The following TM7SF3 variants were observed in gnomAD, a reference collection of about 807,000 sequenced individuals.
TM7SF3 encodes the protein transmembrane 7 superfamily member 3.
A neutral mutation model predicts 65.5 loss-of-function variants in TM7SF3; 60 were observed. The observed-to-expected ratio is 0.92, with a 90% CI of 0.74 to 1.14. The LOEUF (loss-of-function observed/expected upper bound fraction) is 1.14, where lower values mean the gene tolerates loss of function less well. Among genes scored for constraint, TM7SF3 ranks in the 50% most tolerant of loss-of-function variants. The pLI is 0.00. For synonymous variants in TM7SF3, 264 were observed against 259.6 expected (o/e 1.02, Z -0.16); for missense variants, 623 against 684.8 (o/e 0.91, Z 1.01).
intron 4 of TM7SF3, 95 bp downstream of exon 4, chr12:26,996,647 C>A: frequency 7.6e-7 from 1 of 1,313,252 alleles, no homozygotes; most frequent in Non-Finnish European, 1.0e-6. Context: ...AATTTTACTA[C>A]AGAGAATTAG....
At chr12:27,010,912 GC>G (rs1941220414) in intron 1 of TM7SF3, among the ~76,000 whole-genome samples, 1 of 151,992 alleles carries the variant, frequency 6.6e-6, no homozygotes, top group African/African-American at 2.4e-5. Flanking sequence ...TCCTAATCTG[GC>G]AACCATAAAA....
chr12:26,995,442 C>G (rs1452076036), intron 4 of TM7SF3, 34 bp from the exon 5 acceptor site: 1 of 1,611,512 alleles, frequency 6.2e-7, no homozygotes, highest in East Asian at 2.2e-5. Context: ...ACATCAGTCT[C>G]TTGTGGTGCA....
intron 1 of TM7SF3, among the ~76,000 whole-genome samples, chr12:27,005,205 G>A (rs1281877117): frequency 6.6e-6 from 1 of 152,186 alleles, no homozygotes; most frequent in Non-Finnish European, 1.5e-5. Flanking sequence ...CGTATTGGCA[G>A]TATCAGTCTG....
At chr12:26,991,128 T>C (rs1940337397) in intron 5 of TM7SF3, among the ~76,000 whole-genome samples, 2 of 150,986 alleles carry the variant, frequency 1.3e-5, no homozygotes, top group South Asian at 4.2e-4. Flanking sequence ...GGTTTTGTTA[T>C]GTAGTAGTAG....
chr12:26,987,354 G>A (rs187737987), intron 6 of TM7SF3, among the ~76,000 whole-genome samples: 33 of 152,228 alleles, frequency 2.2e-4, no homozygotes, highest in African/African-American at 5.8e-4. Flanking sequence ...CCACCTCAGC[G>A]AATGGTCGCT....
In TM7SF3 at chr12:26,971,729, A is replaced by G. The variant is rs895056603; in HGVS notation, c.*2236T>C. The G allele has an allele frequency of 6.6e-6, 1 of 152,228 alleles. No individual in the cohort carries two copies. The highest frequency in any genetic ancestry group is 1.5e-5 in the Non-Finnish European group (1 of 68,042). 9.4% of individuals were successfully genotyped at this position (152,228 alleles called of 1,614,324 possible). ...CTGGCAGTGCATTCAGATAGTATAGAAAATAACAAACATTCCATATAACTT... is the reference window on the plus strand; with the variant it reads ...CTGGCAGTGCATTCAGATAGTATAGGAAATAACAAACATTCCATATAACTT... On this transcript the variant is annotated 3_prime_UTR_variant, in exon 12 of 12. Transcript: ENST00000343028.
chr12:26,976,493 A>AGAAAATTAGAATTCAT, intron 9 of TM7SF3, 136 bp from the exon 10 acceptor site: 1 of 634,292 alleles, frequency 1.6e-6, no homozygotes. Context: ...CTAGAAATGA[A>AGAAAATTAGAATTCAT]TTCTAATTTT....
At chr12:26,995,930 A>T (rs7304033) in intron 4 of TM7SF3, among the ~76,000 whole-genome samples, 11,154 of 152,190 alleles carry the variant, frequency 0.073, 522 homozygotes, top group Non-Finnish European at 0.1. Flanking sequence ...TAAGACAAAC[A>T]CCAACAGGCA....
intron 9 of TM7SF3, chr12:26,979,203 T>A (rs1216323323): frequency 6.6e-6 from 1 of 152,354 alleles, no homozygotes; most frequent in African/African-American, 2.4e-5. Context: ...TGAGTACAGA[T>A]GCTGTTTTTG....
intron 5 of TM7SF3, among the ~76,000 whole-genome samples, chr12:26,994,278 A>G (rs1334370671): frequency 6.6e-5 from 10 of 152,200 alleles, no homozygotes; most frequent in Non-Finnish European, 1.0e-4. Context: ...ATGACCTCAT[A>G]TATTATATTG....
chr12:26,985,805 C>CTTTTTT (rs1491557564), intron 6 of TM7SF3, among the ~76,000 whole-genome samples: 2 of 72,038 alleles, frequency 2.8e-5, no homozygotes, highest in Non-Finnish European at 5.7e-5. Flanking sequence ...ATTTCTTTTT[C>CTTTTTT]GTTTTTTTTT....
chr12:26,978,132 TGAG>T (rs1360077428), intron 9 of TM7SF3: 1 of 431,352 alleles, frequency 2.3e-6, no homozygotes, highest in African/African-American at 2.0e-5. Flanking sequence ...CCACTAGCAT[TGAG>T]GAGATGATCA....
intron 10 of TM7SF3, 113 bp from the exon 11 acceptor site, chr12:26,975,771 A>C (rs1287303817): frequency 8.6e-7 from 1 of 1,158,672 alleles, no homozygotes; most frequent in East Asian, 2.6e-5. Flanking sequence ...GGCATGAAAA[A>C]GGACCAGACC....
chr12:27,005,089 T>C (rs1434120508), intron 1 of TM7SF3, among the ~76,000 whole-genome samples: 2 of 152,232 alleles, frequency 1.3e-5, no homozygotes, highest in African/African-American at 2.4e-5. Context: ...AAATTATACA[T>C]AAAACTATAT....
intron 11 of TM7SF3, 116 bp from the exon 12 acceptor site, chr12:26,974,343 G>A: frequency 8.8e-7 from 1 of 1,140,354 alleles, no homozygotes; most frequent in Non-Finnish European, 1.2e-6. Context: ...TTTCTGGTGA[G>A]TTAGTCCAAA....
chr12:27,008,127 A>C (rs1948583511), intron 1 of TM7SF3, among the ~76,000 whole-genome samples: 1 of 152,174 alleles, frequency 6.6e-6, no homozygotes, highest in African/African-American at 2.4e-5. Flanking sequence ...AGATACTGCC[A>C]GTCTTCCAAC....
At chr12:27,004,203 T>C (rs985434710) in intron 1 of TM7SF3, among the ~76,000 whole-genome samples, 2 of 152,196 alleles carry the variant, frequency 1.3e-5, no homozygotes, top group Admixed American at 6.5e-5. Context: ...CACCAGCTCA[T>C]CTTTTTTCAA....
rs1293402232 is a variant in TM7SF3 at position 26,979,868 on chromosome 12, A to T, written c.1105T>A (p.Phe369Ile). Residue 369 changes from phenylalanine to isoleucine, a missense_variant, in exon 9 of 12, where the codon TTT becomes ATT. Transcript: ENST00000343028. ...GMFLVAVWWRFGILSICMLCV... is the reference protein window; with the variant it reads ...GMFLVAVWWRIGILSICMLCV... ...AGCATGCAGATCGAGAGGATTCCAAATCGCCACCACACAGCTACCAAGAAC... is the reference window on the plus strand; with the variant it reads ...AGCATGCAGATCGAGAGGATTCCAATTCGCCACCACACAGCTACCAAGAAC... 1 of 1,614,078 alleles carries T rather than the reference A, an allele frequency of 6.2e-7. No homozygotes were observed. The highest frequency in any genetic ancestry group is 1.3e-5 in the African/African-American group (1 of 74,940).
At chr12:27,013,572 T>C (rs1168595016) in intron 1 of TM7SF3, among the ~76,000 whole-genome samples, 5 of 152,222 alleles carry the variant, frequency 3.3e-5, no homozygotes, top group African/African-American at 1.2e-4. Flanking sequence ...TAAAGGCTCT[T>C]TAAAAATAAA....
Sources: allele counts gnomAD v4.1 joint callset (sites outside exome capture counted in the v4.1 genomes callset), GRCh38; gene constraint gnomAD v4.1.1; transcripts MANE v1.5; gene names NCBI Gene and HGNC (gene_info 2026-07-23, HGNC 2026-07-21).